The following BRINP1 variants were observed in gnomAD, a reference collection of about 807,000 sequenced individuals.
The protein encoded by BRINP1 is BMP/retinoic acid-inducible neural-specific protein 1.
BRINP1 carries 17 observed loss-of-function variants against 72.9 expected under a neutral mutation model. The observed-to-expected ratio is 0.23, with a 90% confidence interval of 0.16 to 0.35. The LOEUF is 0.35. BRINP1 is among the 10% of genes least tolerant of loss of function. The pLI is 1.00. For missense variants in BRINP1, 850 were observed against 1,001.6 expected (o/e 0.85, Z 2.04); for synonymous variants, 418 against 378.5 (o/e 1.10, Z -1.21).
intron 7 of BRINP1, among the ~76,000 whole-genome samples, chr9:119,178,617 T>C (rs1201068981): frequency 6.6e-6 from 1 of 152,270 alleles, no homozygotes; most frequent in Non-Finnish European, 1.5e-5. Flanking sequence ...CTTACAACTA[T>C]TGAGTTCTCA....
intron 1 of BRINP1, among the ~76,000 whole-genome samples, chr9:119,314,144 G>A (rs1831100968): frequency 6.6e-6 from 1 of 152,148 alleles, no homozygotes; most frequent in South Asian, 2.1e-4. Context: ...TGGTGACTCA[G>A]CCTCAAAGGT....
intron 1 of BRINP1, among the ~76,000 whole-genome samples, chr9:119,367,232 A>ATATATATATATATATATATATATATC (rs1430573968): frequency 7.2e-6 from 1 of 138,408 alleles, no homozygotes; most frequent in African/African-American, 2.8e-5. Flanking sequence ...ATATATATAT[A>ATATATATATATATATATATATATATC]TATATATATA....
rs907794298 is a variant in BRINP1, at chr9:119,369,280, C to G, written c.-275G>C. On this transcript the variant is annotated 5_prime_UTR_variant, in exon 1 of 8. Coordinates refer to ENST00000265922, the MANE Select transcript of BRINP1 (RefSeq NM_014618.3). ...GAATCCCGGCTCCGGAAGGCGGTCA[C>G]TACTCCCTCTGCCTCCCGGCTCTCT... 5.0e-6 allele frequency: 2 copies of G among 398,808 alleles called. No individual in the cohort carries two copies. Among genetic ancestry groups the G allele is most frequent in the African/African-American group, 4.1e-5 (2 of 48,656 alleles). 24.7% of individuals were successfully genotyped at this position (398,808 alleles called of 1,614,324 possible). A position where few individuals can be genotyped will look rare whatever the true frequency, so the allele number is the denominator to read the frequency against.
intron 1 of BRINP1, among the ~76,000 whole-genome samples, chr9:119,328,117 C>T (rs150781263): frequency 6.1e-4 from 93 of 152,044 alleles, no homozygotes; most frequent in African/African-American, 2.0e-3. Context: ...AGAGATAGTA[C>T]GATGGATGAA....
chr9:119,366,577 A>C (rs899524916), intron 1 of BRINP1, among the ~76,000 whole-genome samples: 1 of 146,048 alleles, frequency 6.8e-6, no homozygotes, highest in African/African-American at 2.6e-5. Flanking sequence ...GGGAATAGTG[A>C]TTGAGGCATT....
chr9:119,292,019 C>T (rs574124918), intron 2 of BRINP1, among the ~76,000 whole-genome samples: 17 of 152,240 alleles, frequency 1.1e-4, no homozygotes, highest in African/African-American at 4.1e-4. Flanking sequence ...CAGAAAATGA[C>T]ACTCAATGAG....
intron 2 of BRINP1, among the ~76,000 whole-genome samples, chr9:119,304,133 G>A (rs1830969953): frequency 1.3e-5 from 2 of 152,042 alleles, no homozygotes; most frequent in African/African-American, 4.8e-5. Context: ...GCCCACCTTG[G>A]CCTCCCAAAG....
At chr9:119,214,647 G>A (rs750012013) in intron 5 of BRINP1, among the ~76,000 whole-genome samples, 1 of 151,282 alleles carries the variant, frequency 6.6e-6, no homozygotes, top group Admixed American at 6.6e-5. Context: ...ATCAGCAGGT[G>A]TAGACATGGA....
rs535406785 is a variant in BRINP1, at chr9:119,175,261, AAACAT to A, written c.1146-7042_1146-7038del. ...AAACCATCACACTCAGCAAACTAAC[AAACAT>A]AAGAACAGAAAACAAAACACTGTAT... On this transcript the variant is annotated intron_variant, in intron 7 of 7. Transcript: ENST00000265922. Among the ~76,000 whole-genome samples the A allele has an allele frequency of 9.4e-4, 143 of 152,128 alleles. 2 individuals carry two copies. In the South Asian group the frequency reaches 0.02, roughly 21 times the overall value.
chr9:119,358,826 A>T (rs1457432744), intron 1 of BRINP1, among the ~76,000 whole-genome samples: 1 of 152,164 alleles, frequency 6.6e-6, no homozygotes, highest in African/African-American at 2.4e-5. Flanking sequence ...CTGGCCTGTT[A>T]TAGAGAATTT....
At position 119,300,395 on chromosome 9, in the gene BRINP1, G is replaced by A. The variant is rs1030941651; in HGVS notation, c.218+12743C>T. On this transcript the variant is annotated intron_variant, in intron 2 of 7. Coordinates refer to ENST00000265922, the MANE Select transcript of BRINP1 (RefSeq NM_014618.3). The stretch of plus-strand genomic sequence containing the variant: ...TAACTAAACTCTTTGAAACACAAAC[G>A]ATAAATGCTGGAGGTGATGGATACC... Among the ~76,000 whole-genome samples the A allele has an allele frequency of 5.9e-5, 9 of 152,156 alleles. No homozygotes were observed. The East Asian group carries it at 9.6e-4, about 16-fold the overall frequency.
intron 1 of BRINP1, among the ~76,000 whole-genome samples, chr9:119,366,208 C>T (rs1019520561): frequency 3.9e-5 from 6 of 152,048 alleles, no homozygotes; most frequent in African/African-American, 1.4e-4. Context: ...TGCATGTGTG[C>T]TTGCATATGC....
chr9:119,241,416 A>T (rs1356162523), intron 4 of BRINP1, among the ~76,000 whole-genome samples: 1 of 152,202 alleles, frequency 6.6e-6, no homozygotes, highest in East Asian at 1.9e-4. Flanking sequence ...ATGCTACAAC[A>T]GCAGGGTTGA....
At chr9:119,277,262 T>A (rs1830666351) in intron 2 of BRINP1, among the ~76,000 whole-genome samples, 1 of 152,236 alleles carries the variant, frequency 6.6e-6, no homozygotes, top group Non-Finnish European at 1.5e-5. Context: ...ACATCCTTTT[T>A]ATCCACTCCT....
Position 119,167,778 on chromosome 9 carries a change from T to C in BRINP1, c.1592A>G (p.Asn531Ser). 2 of 1,614,070 alleles carry C rather than the reference T, an allele frequency of 1.2e-6. No individual in the cohort carries two copies. The highest frequency in any genetic ancestry group is 1.7e-6 in the Non-Finnish European group (2 of 1,180,022). The part of the protein sequence containing the change: ...RKRMSLTLKS[N>S]KNRMDFIHMV... ...GTGGATGAAGTCCATGCGGTTCTTGTTGCTCTTGAGAGTGAGGGACATGCG... is the reference window on the plus strand; with the variant it reads ...GTGGATGAAGTCCATGCGGTTCTTGCTGCTCTTGAGAGTGAGGGACATGCG... Residue 531 changes from asparagine (N) to serine (S), a missense_variant, in exon 8 of 8, where the codon AAC becomes AGC. Coordinates refer to ENST00000265922, the MANE Select transcript of BRINP1 (RefSeq NM_014618.3). The surrounding 1 kb of genome is among the most constrained non-coding windows in gnomAD (Gnocchi z 4.3).
At chr9:119,349,272 G>T (rs2119031101) in intron 1 of BRINP1, among the ~76,000 whole-genome samples, 1 of 152,220 alleles carries the variant, frequency 6.6e-6, no homozygotes, top group South Asian at 2.1e-4. Flanking sequence ...ACACACAGGG[G>T]AACACAATTG....
At chr9:119,331,147 G>A (rs1402165051) in intron 1 of BRINP1, among the ~76,000 whole-genome samples, 2 of 152,234 alleles carry the variant, frequency 1.3e-5, no homozygotes, top group East Asian at 1.9e-4. Flanking sequence ...TCCATGATTC[G>A]ACTTAAAGAA....
intron 5 of BRINP1, among the ~76,000 whole-genome samples, chr9:119,227,741 T>C (rs549187881): frequency 1.8e-3 from 275 of 152,140 alleles, no homozygotes; most frequent in Middle Eastern, 3.4e-3. Flanking sequence ...TGTATCACCC[T>C]GAGGTTACAA....
intron 2 of BRINP1, among the ~76,000 whole-genome samples, chr9:119,277,119 G>A (rs679134): frequency 0.18 from 28,126 of 152,106 alleles, 3,072 homozygotes; most frequent in South Asian, 0.27. Context: ...TTTGAGATTC[G>A]CTCAAGCTGT....
Sources: gnomAD v4.1 joint callset for allele counts (sites outside exome capture counted in the v4.1 genomes callset) on GRCh38, gnomAD v4.1.1 for gene constraint, Gnocchi (gnomAD v3.1) non-coding constraint, MANE v1.5 for transcripts, NCBI Gene and HGNC (gene_info 2026-07-23, HGNC 2026-07-21) for gene names.